Variants in ZNF790 observed in about 807,000 individuals in gnomAD.
ZNF790 encodes zinc finger protein 790.
A neutral mutation model predicts 12.1 loss-of-function variants in ZNF790; 8 were observed. The observed-to-expected ratio is 0.66, with a 90% CI of 0.39 to 1.19. The LOEUF (loss-of-function observed/expected upper bound fraction) is 1.19, where lower values mean the gene tolerates loss of function less well. Among genes scored for constraint, ZNF790 ranks in the 50% most tolerant of loss-of-function variants. The probability of loss-of-function intolerance (pLI) is 0.01; values close to 1 mark genes in which losing one functional copy is unlikely to be tolerated. For synonymous variants in ZNF790, 252 were observed against 244.3 expected (o/e 1.03, Z -0.29); for missense variants, 707 against 752.2 (o/e 0.94, Z 0.70).
At chr19:36,826,408 C>T (rs1404378422) in intron 1 of ZNF790, among the ~76,000 whole-genome samples, 1 of 151,740 alleles carries the variant, frequency 6.6e-6, no homozygotes, top group Non-Finnish European at 1.5e-5. Flanking sequence ...CATGGTGAAA[C>T]CCCGTCTCTA....
Position 36,819,374 on chromosome 19 carries a change from G to T in ZNF790, c.970C>A (p.His324Asn), listed in dbSNP as rs764686101. ...TGAATTCTCTGATGTTTAATAAGAT[G>T]TGATCGCTGACTAAAGGCCTTTCTA... Reference protein sequence around the residue: ...ECRKAFSQRSHLIKHQRIHTG... With the variant: ...ECRKAFSQRSNLIKHQRIHTG... The change falls in exon 5 of 5, where the codon CAT (histidine) becomes AAT (asparagine). Residue 324 changes from histidine to asparagine, a missense_variant. Coordinates refer to ENST00000356725, the MANE Select transcript of ZNF790 (RefSeq NM_206894.4). 49 of 1,613,056 alleles carry T rather than the reference G, an allele frequency of 3.0e-5. No individual in the cohort carries two copies. Among genetic ancestry groups the T allele is most frequent in the Non-Finnish European group, 3.5e-5 (41 of 1,179,524 alleles).
intron 1 of ZNF790, among the ~76,000 whole-genome samples, chr19:36,835,902 A>G (rs1402796847): frequency 6.6e-6 from 1 of 151,866 alleles, no homozygotes. Context: ...TTAAGGACCC[A>G]TGTCATTATA....
chr19:36,819,833 C>G lies in ZNF790; in HGVS notation c.511G>C (p.Glu171Gln). The G allele has an allele frequency of 6.2e-7, 1 of 1,613,670 alleles. No homozygotes were observed. Among genetic ancestry groups the G allele is most frequent in the Non-Finnish European group, 8.5e-7 (1 of 1,179,742 alleles). ...AAGGCTTTCCCCAGTTCTTTAAATT[C>G]ATTCAGTTTGTCTCCTGTATTAAGT... ...QRLNTGDKLN[E>Q]FKELGKAFIS... The change falls in exon 5 of 5, where the codon GAA becomes CAA. Residue 171 changes from glutamate to glutamine, a missense_variant. Glu to Gln is a conservative substitution (Grantham distance 29, BLOSUM62 2). Transcript: ENST00000356725.
chr19:36,828,155 T>C (rs2071870139), intron 1 of ZNF790: 1 of 152,186 alleles, frequency 6.6e-6, no homozygotes, highest in African/African-American at 2.4e-5. Flanking sequence ...AAGAAAAAAC[T>C]AGTTCTTTTA....
upstream of ZNF790, among the ~76,000 whole-genome samples, chr19:36,842,103 C>G (rs947101628): frequency 1.3e-5 from 2 of 152,076 alleles, no homozygotes; most frequent in Non-Finnish European, 2.9e-5. Context: ...AAAGCACAAT[C>G]CATAAAAGAA....
intron 1 of ZNF790, among the ~76,000 whole-genome samples, chr19:36,844,016 A>T (rs1490408482): frequency 6.7e-6 from 1 of 150,134 alleles, no homozygotes; most frequent in Admixed American, 6.6e-5. Flanking sequence ...TCAAAAAAAA[A>T]AAAAAATTAA....
At chr19:36,840,302 G>A (rs2072119236), upstream of ZNF790, among the ~76,000 whole-genome samples, 2 of 152,042 alleles carry the variant, frequency 1.3e-5, no homozygotes, top group East Asian at 1.9e-4. Flanking sequence ...TGATTCACTG[G>A]GAGGCTCACA....
chr19:36,820,651 C>T (rs1468207910), intron 4 of ZNF790, among the ~76,000 whole-genome samples: 1 of 152,144 alleles, frequency 6.6e-6, no homozygotes, highest in Non-Finnish European at 1.5e-5. Context: ...CACCTTTAAT[C>T]CCAGCACTTG....
In ZNF790 at chr19:36,845,047, CAAAAAAAAAAAAAA is replaced by C. The variant is rs10611049; in HGVS notation, c.-74+4941_-74+4954del. On this transcript the variant is annotated intron_variant, in intron 1 of 4. Coordinates refer to the ZNF790 transcript ENST00000528994. The stretch of plus-strand genomic sequence containing the variant: ...TGGGCGACAGAGCGAGACTCCGTCT[CAAAAAAAAAAAAAA>C]AAAAAAAAAAAAAGAAATACTAAAT... Among the ~76,000 whole-genome samples the C allele has an allele frequency of 3.4e-4, 12 of 34,918 alleles. 1 individual carries two copies. The highest frequency in any genetic ancestry group is 1.0e-3 in the Admixed American group (2 of 1,916). The allele number at this position is 34,918 out of a possible 152,430, so 22.9% of individuals were successfully genotyped here. A position where few individuals can be genotyped will look rare whatever the true frequency, so the allele number is the denominator to read the frequency against.
At chr19:36,837,574 G>T (rs976370530) in intron 1 of ZNF790, 1 of 152,010 alleles carries the variant, frequency 6.6e-6, no homozygotes, top group Non-Finnish European at 1.5e-5. Flanking sequence ...GAAATCTTCA[G>T]CTCATGGTTT....
rs74641981 is a variant in ZNF790 at position 36,825,738 on chromosome 19, A to G, written c.-73-46T>C. ...GGTCAGGCCTTTCTCAGAGCTCTCA[A>G]AGGGACAAATAGGAAATGCCATTTT... is the stretch of plus-strand genomic sequence containing the variant. On this transcript the variant is annotated intron_variant, in intron 1 of 4. Transcript: ENST00000356725. The G allele has an allele frequency of 6.0e-4, 670 of 1,120,046 alleles. 3 individuals carry two copies. The East Asian group carries it at 0.015, about 24-fold the overall frequency. 69.4% of individuals were successfully genotyped at this position (1,120,046 alleles called of 1,614,324 possible).
intron 1 of ZNF790, among the ~76,000 whole-genome samples, chr19:36,847,983 T>C (rs1310382948): frequency 1.3e-5 from 2 of 152,176 alleles, no homozygotes; most frequent in African/African-American, 2.4e-5. Context: ...GGCATCTCAA[T>C]CTTGAACTTC....
chr19:36,833,709 T>C (rs1315032578), intron 1 of ZNF790, among the ~76,000 whole-genome samples: 1 of 152,214 alleles, frequency 6.6e-6, no homozygotes, highest in Non-Finnish European at 1.5e-5. Flanking sequence ...TGGTCTTGAA[T>C]ACATGGTGCC....
At chr19:36,848,647 G>A (rs952899891) in intron 1 of ZNF790, among the ~76,000 whole-genome samples, 2 of 152,088 alleles carry the variant, frequency 1.3e-5, no homozygotes, top group African/African-American at 4.8e-5. Flanking sequence ...CTTTTTGTTT[G>A]TTTGTTTGTT....
intron 1 of ZNF790, among the ~76,000 whole-genome samples, chr19:36,830,243 C>T (rs559613859): frequency 6.6e-6 from 1 of 152,206 alleles, no homozygotes; most frequent in Non-Finnish European, 1.5e-5. Context: ...TAAAAAAAAT[C>T]ATAAAGGGTA....
At chr19:36,838,684 C>A (rs934445097), upstream of ZNF790, among the ~76,000 whole-genome samples, 1 of 152,274 alleles carries the variant, frequency 6.6e-6, no homozygotes, top group Non-Finnish European at 1.5e-5. This position sits in a 1 kb window ranked among gnomAD's most constrained non-coding sequence, Gnocchi z 4.4. Context: ...TAAGCCCAGG[C>A]CATCTTAGGC....
chr19:36,838,771 A>G (rs1353417377), upstream of ZNF790, among the ~76,000 whole-genome samples: 1 of 152,040 alleles, frequency 6.6e-6, no homozygotes, highest in East Asian at 1.9e-4. This position sits in a 1 kb window ranked among gnomAD's most constrained non-coding sequence, Gnocchi z 4.4. Flanking sequence ...CCCCGGGGGG[A>G]TGGTGCGATG....
upstream of ZNF790, chr19:36,838,525 C>G (rs886596658): frequency 6.6e-6 from 1 of 152,420 alleles, no homozygotes; most frequent in Admixed American, 6.5e-5. The surrounding 1 kb of genome is among the most constrained non-coding windows in gnomAD (Gnocchi z 4.4). Context: ...GAGCCCCATC[C>G]CCTCGCTGGG....
chr19:36,818,709 C>T lies in ZNF790; in HGVS notation c.1635G>A (p.Trp545Ter). 1 of 1,613,448 alleles carries T rather than the reference C, an allele frequency of 6.2e-7. No individual in the cohort carries two copies. The stretch of plus-strand genomic sequence containing the variant: ...TCTTATGTCGTGTAAGCTGTGAACC[C>T]CAGATAAAAGATTTCCCACATTCTT... ...VCKECGKSFIWGSQLTRHKKI... is the reference protein window; with the variant it reads ...VCKECGKSFI The change falls in exon 5 of 5, where the codon TGG becomes TGA. Residue 545 changes from tryptophan to a stop codon, truncating the protein, a stop_gained. Transcript: ENST00000356725. LOFTEE classifies it low-confidence loss of function (END_TRUNC).
Sources: allele counts gnomAD v4.1 joint callset (sites outside exome capture counted in the v4.1 genomes callset), GRCh38; gene constraint gnomAD v4.1.1; non-coding constraint Gnocchi (gnomAD v3.1); transcripts MANE v1.5; gene names NCBI Gene and HGNC (gene_info 2026-07-23, HGNC 2026-07-21).